The following PTPRG variants were observed in gnomAD, a reference collection of about 807,000 sequenced individuals.
The protein encoded by PTPRG is receptor-type tyrosine-protein phosphatase gamma.
A neutral mutation model predicts 165.3 loss-of-function variants in PTPRG; 102 were observed. The ratio of observed to expected loss-of-function variants is 0.62; its 90% confidence interval spans 0.53 to 0.73. The LOEUF is 0.73. PTPRG is among the 30% of genes least tolerant of loss of function. PTPRG has a pLI of 0.00. For missense variants in PTPRG, 1,866 were observed against 1,861.4 expected (o/e 1.00, Z -0.05); for synonymous variants, 675 against 669.5 (o/e 1.01, Z -0.13).
chr3:61,786,040 A>G lies in PTPRG; in HGVS notation c.190+37058A>G, dbSNP rs556521346. Reference sequence around the variant, plus strand: ...CGACAACTACTAATTAGACTTATAAATAAAAGCCACCTTAAATGAACATCA... The same window carrying G: ...CGACAACTACTAATTAGACTTATAAGTAAAAGCCACCTTAAATGAACATCA... On this transcript the variant is annotated intron_variant, in intron 2 of 29. Transcript: ENST00000474889. 1.2e-4 allele frequency among the ~76,000 whole-genome samples: 19 copies of G among 152,312 alleles called. No individual in the cohort carries two copies. In the East Asian group the frequency reaches 1.9e-3, roughly 15 times the overall value.
chr3:62,012,172 TGA>T (rs1482408807), intron 4 of PTPRG, among the ~76,000 whole-genome samples: 4 of 152,186 alleles, frequency 2.6e-5, no homozygotes, highest in Non-Finnish European at 5.9e-5. Flanking sequence ...GTCAACCTTG[TGA>T]GAGAGGGACT....
chr3:61,908,308 C>T (rs1201871611), intron 2 of PTPRG, among the ~76,000 whole-genome samples: 2 of 150,656 alleles, frequency 1.3e-5, no homozygotes, highest in East Asian at 3.9e-4. Context: ...TGCCTGTAGT[C>T]CCAGCTACTC....
chr3:61,936,130 C>T (rs2039478650), intron 2 of PTPRG, among the ~76,000 whole-genome samples: 1 of 152,220 alleles, frequency 6.6e-6, no homozygotes, highest in Admixed American at 6.5e-5. Context: ...AAGCAGAGAA[C>T]AGCTCTCATC....
intron 6 of PTPRG, among the ~76,000 whole-genome samples, chr3:62,154,702 C>T (rs1704470115): frequency 6.6e-6 from 1 of 152,136 alleles, no homozygotes; most frequent in South Asian, 2.1e-4. Context: ...TGTCAGCATA[C>T]AGCATGCTTA....
intron 4 of PTPRG, among the ~76,000 whole-genome samples, chr3:62,052,929 C>T (rs1314282568): frequency 2.6e-5 from 4 of 152,260 alleles, no homozygotes; most frequent in South Asian, 2.1e-4. Context: ...ATATGCATAT[C>T]GCTTTGTTGA....
intron 3 of PTPRG, among the ~76,000 whole-genome samples, chr3:61,995,411 A>T (rs1015693568): frequency 1.3e-5 from 2 of 152,070 alleles, no homozygotes; most frequent in African/African-American, 4.8e-5. Context: ...TTTCAATAGC[A>T]ATCTTCATGA....
chr3:62,099,087 G>A (rs561560982), intron 5 of PTPRG, among the ~76,000 whole-genome samples: 1 of 152,134 alleles, frequency 6.6e-6, no homozygotes. Flanking sequence ...TTTCTTATTT[G>A]CTCTTGAAAT....
intron 4 of PTPRG, among the ~76,000 whole-genome samples, chr3:62,016,046 C>T (rs1045772860): frequency 4.6e-5 from 7 of 151,462 alleles, no homozygotes; most frequent in Admixed American, 2.0e-4. Flanking sequence ...AAGAATGTAA[C>T]ATAGAGAAGT....
chr3:61,991,644 A>G (rs1277254827), intron 3 of PTPRG, among the ~76,000 whole-genome samples: 5 of 152,178 alleles, frequency 3.3e-5, no homozygotes, highest in African/African-American at 9.7e-5. Flanking sequence ...CAATGAGATT[A>G]TTTCTCTTCA....
At position 62,037,516 on chromosome 3, in the gene PTPRG, G is replaced by C. The variant is rs533159162; in HGVS notation, c.519+34019G>C. Among the ~76,000 whole-genome samples the C allele has an allele frequency of 9.2e-4, 140 of 152,230 alleles. 3 individuals are homozygous for C. The highest frequency in any genetic ancestry group is 5.8e-4 in the East Asian group (3 of 5,174). ...TGCAGGCATTAGCAAATATCCCTTG[G>C]GGGGGCAAAATCGTCTCCATTTGAG... On this transcript the variant is annotated intron_variant, in intron 4 of 29. Transcript: ENST00000474889.
At chr3:61,992,402 G>A (rs1229052442) in intron 3 of PTPRG, among the ~76,000 whole-genome samples, 5 of 152,030 alleles carry the variant, frequency 3.3e-5, no homozygotes, top group African/African-American at 1.2e-4. Context: ...TCTGTTGCCC[G>A]GGCTGGAGTT....
chr3:62,253,723 G>C (rs987579665), intron 15 of PTPRG, among the ~76,000 whole-genome samples: 2 of 152,002 alleles, frequency 1.3e-5, no homozygotes, highest in Non-Finnish European at 2.9e-5. Context: ...AGATTTCTTG[G>C]GCATGCAAAA....
chr3:61,669,770 C>T (rs1329343467), intron 1 of PTPRG, among the ~76,000 whole-genome samples: 3 of 152,194 alleles, frequency 2.0e-5, no homozygotes, highest in African/African-American at 7.2e-5. Context: ...CAGTTTGGCA[C>T]TGAGAGGGGA....
chr3:62,022,828 G>C (rs559519501), intron 4 of PTPRG, among the ~76,000 whole-genome samples: 1 of 152,148 alleles, frequency 6.6e-6, no homozygotes, highest in South Asian at 2.1e-4. Context: ...CTTTTCTGTA[G>C]AACTACTATT....
intron 5 of PTPRG, among the ~76,000 whole-genome samples, chr3:62,081,583 G>A (rs1215231064): frequency 1.3e-5 from 2 of 152,166 alleles, no homozygotes; most frequent in East Asian, 3.9e-4. Flanking sequence ...GGGCTCAAGT[G>A]ATGCTCCTGC....
Position 61,941,930 on chromosome 3 carries a change from G to A in PTPRG, c.191-47695G>A, listed in dbSNP as rs1482458842. On this transcript the variant is annotated intron_variant, in intron 2 of 29. Transcript: ENST00000474889. ...TCCCAATACTTTGGAAGGTCGCGGC[G>A]GGTGGATTACCTGAGGTCAGGAGCT... Among the ~76,000 whole-genome samples, 4 of 151,986 alleles carry A rather than the reference G, an allele frequency of 2.6e-5. 1 individual carries two copies. Among genetic ancestry groups the A allele is most frequent in the South Asian group, 4.2e-4 (2 of 4,808 alleles).
intron 1 of PTPRG, among the ~76,000 whole-genome samples, chr3:61,704,633 A>G (rs1311784033): frequency 7.5e-6 from 1 of 133,160 alleles, no homozygotes; most frequent in Non-Finnish European, 1.5e-5. Flanking sequence ...ATTCTCTTCT[A>G]AATGCTATGG....
chr3:62,203,543 A>T lies in PTPRG; in HGVS notation c.1748A>T (p.Asp583Val), dbSNP rs1559644890. Residue 583 changes from aspartate (D) to valine (V), a missense_variant, in exon 12 of 30, where the codon GAT (aspartate) becomes GTT (valine). By Grantham distance (152) the Asp-to-Val change is radical. This residue lies in a region of PTPRG where 1,452 missense variants were observed against 1,463.0 expected (regional missense o/e 0.99). Coordinates refer to ENST00000474889, the MANE Select transcript of PTPRG (RefSeq NM_002841.4). This position sits in a 1 kb window ranked among gnomAD's most constrained non-coding sequence, Gnocchi z 6.4. ...GAGGGCACCGAGGAAGGAGAGAAGG[A>T]TGAGAAAAGCGAGAGTGAGGATGGG... ...DGEGTEEGEK[D>V]EKSESEDGER... 1 of 1,553,584 alleles carries T rather than the reference A, an allele frequency of 6.4e-7. No homozygotes were observed. Among genetic ancestry groups the T allele is most frequent in the Non-Finnish European group, 8.7e-7 (1 of 1,147,858 alleles).
chr3:61,979,822 G>T (rs2040597022), intron 2 of PTPRG, among the ~76,000 whole-genome samples: 1 of 152,186 alleles, frequency 6.6e-6, no homozygotes, highest in Non-Finnish European at 1.5e-5. Context: ...CACAGGAAGT[G>T]AGTTAATCAT....
Sources: allele counts gnomAD v4.1 joint callset (sites outside exome capture counted in the v4.1 genomes callset), GRCh38; gene constraint gnomAD v4.1.1; regional missense constraint gnomAD v4.1.1; non-coding constraint Gnocchi (gnomAD v3.1); transcripts MANE v1.5; gene names NCBI Gene and HGNC (gene_info 2026-07-23, HGNC 2026-07-21).